The following ZC2HC1C variants were observed in gnomAD, a reference collection of about 807,000 sequenced individuals.
The protein encoded by ZC2HC1C is zinc finger C2HC domain-containing protein 1C.
A neutral mutation model predicts 39.2 loss-of-function variants in ZC2HC1C; 25 were observed. The observed-to-expected ratio is 0.64, with a 90% CI of 0.47 to 0.89. The LOEUF (loss-of-function observed/expected upper bound fraction) is 0.89. Ranked by LOEUF, ZC2HC1C falls within the 40% of genes least tolerant of loss-of-function variation. The pLI is 0.00. For missense variants in ZC2HC1C, 519 were observed against 548.6 expected, an observed-to-expected ratio of 0.95 and a Z score of 0.54; for synonymous variants, 209 against 214.4, an observed-to-expected ratio of 0.97 and a Z score of 0.22.
Position 75,070,537 on chromosome 14 carries a change from G to T in ZC2HC1C, c.-19-18G>T, listed in dbSNP as rs749297373. On this transcript the variant is annotated intron_variant, in intron 1 of 2. Transcript: ENST00000524913. ...TCAGACAAACTCTTCCCGTGTATCT[G>T]GTTTAAATCTCCCGTAGGCGTCAGT... is the stretch of plus-strand genomic sequence containing the variant. 6.4e-7 allele frequency: 1 copy of T among 1,559,656 alleles called. No individual in the cohort carries two copies. The highest frequency in any genetic ancestry group is 1.4e-5 in the African/African-American group (1 of 73,064).
Position 75,070,653 on chromosome 14 carries a change from C to G in ZC2HC1C, c.80C>G (p.Pro27Arg). The change falls in exon 2 of 3, where the codon CCC becomes CGC. Residue 27 changes from proline (P) to arginine (R), a missense_variant. Pro to Arg is a moderately radical substitution (Grantham distance 103). Coordinates refer to ENST00000524913, the MANE Select transcript of ZC2HC1C (RefSeq NM_024643.4). ...LPHNTTEAPG[P>R]HSAKQDSYEQ... ...CATAATACAACGGAAGCTCCAGGGC[C>G]CCACTCAGCCAAGCAAGACTCTTAC... 1 of 1,614,176 alleles carries G rather than the reference C, an allele frequency of 6.2e-7. No homozygotes were observed.
At position 75,070,730 on chromosome 14, in the gene ZC2HC1C, T is replaced by A; in HGVS notation, c.157T>A (p.Phe53Ile). 6.2e-7 allele frequency: 1 copy of A among 1,614,192 alleles called. No homozygotes were observed. Among genetic ancestry groups the A allele is most frequent in the Admixed American group, 1.7e-5 (1 of 60,022 alleles). Reference sequence around the variant, plus strand: ...CTTGAAGGGGCACCTGAGGAACAATTTCCAGAAGCAGCTTTTGAGCAACAA... The same window carrying A: ...CTTGAAGGGGCACCTGAGGAACAATATCCAGAAGCAGCTTTTGAGCAACAA... ...QSLKGHLRNN[F>I]QKQLLSNKEL... Residue 53 changes from phenylalanine (F) to isoleucine (I), a missense_variant, in exon 2 of 3, where the codon TTC becomes ATC. Phe to Ile is a conservative substitution (Grantham distance 21). Transcript: ENST00000524913.
rs940706944 is a variant in ZC2HC1C, at chr14:75,070,551, G to T, written c.-19-4G>T. 1 of 1,577,572 alleles carries T rather than the reference G, an allele frequency of 6.3e-7. No individual in the cohort carries two copies. Among genetic ancestry groups the T allele is most frequent in the African/African-American group, 1.4e-5 (1 of 73,500 alleles). ...CCCGTGTATCTGGTTTAAATCTCCC[G>T]TAGGCGTCAGTCCAGGCCCTGAATG... is the stretch of plus-strand genomic sequence containing the variant. On this transcript the variant is annotated splice_polypyrimidine_tract_variant and splice_region_variant and intron_variant, in intron 1 of 2. Transcript: ENST00000524913.
In ZC2HC1C at chr14:75,071,262, A is replaced by C. The variant is rs749122569; in HGVS notation, c.689A>C (p.Lys230Thr). ...AGCTTAGAGGAGGAAATCCGAAGAA[A>C]GCAGATTCTCCTGAGGGGAAAGCTG... ...GESLEEEIRR[K>T]QILLRGKLKK... Residue 230 changes from lysine to threonine, a missense_variant, in exon 2 of 3, where the codon AAG becomes ACG. Coordinates refer to ENST00000524913, the MANE Select transcript of ZC2HC1C (RefSeq NM_024643.4). 6.2e-7 allele frequency: 1 copy of C among 1,614,184 alleles called. No homozygotes were observed. The highest frequency in any genetic ancestry group is 2.2e-5 in the East Asian group (1 of 44,884).
In ZC2HC1C at chr14:75,071,752, C is replaced by T; in HGVS notation, c.1179C>T (p.His393=). 2 of 1,614,194 alleles carry T rather than the reference C, an allele frequency of 1.2e-6. No individual in the cohort carries two copies. The highest frequency in any genetic ancestry group is 8.5e-7 in the Non-Finnish European group (1 of 1,180,022). Residue 393 remains histidine, a synonymous_variant, in exon 2 of 3, where the codon CAC becomes CAT. Coordinates refer to ENST00000524913, the MANE Select transcript of ZC2HC1C (RefSeq NM_024643.4). ...IEEPQLGECS[H]CGRKFLSFRL... The stretch of plus-strand genomic sequence containing the variant: ...AGCCACAGCTGGGTGAGTGCAGCCA[C>T]TGTGGGCGCAAATTCCTCTCGTTCA...
chr14:75,079,212 T>C lies in ZC2HC1C; in HGVS notation c.*1648T>C, dbSNP rs1430570893. ...AGCCTGGTGACCTAGTGAGACTCCA[T>C]CTCAAAAAAAAAAAAAAAAAAAAGA... is the stretch of plus-strand genomic sequence containing the variant. On this transcript the variant is annotated 3_prime_UTR_variant, in exon 3 of 3. Coordinates refer to ENST00000524913, the MANE Select transcript of ZC2HC1C (RefSeq NM_024643.4). The C allele has an allele frequency of 4.7e-5, 3 of 64,284 alleles. No homozygotes were observed. Among genetic ancestry groups the C allele is most frequent in the Admixed American group, 2.8e-4 (1 of 3,600 alleles). 4.0% of individuals were successfully genotyped at this position (64,284 alleles called of 1,614,324 possible).
At position 75,071,371 on chromosome 14, in the gene ZC2HC1C, T is replaced by C; in HGVS notation, c.798T>C (p.Ile266=). ...ATGAAAACGGAGAGCTACAGAAAATTATACTCCCCAGGAGCAGAGTTAAAG... is the reference window on the plus strand; with the variant it reads ...ATGAAAACGGAGAGCTACAGAAAATCATACTCCCCAGGAGCAGAGTTAAAG... ...KENENGELQK[I]ILPRSRVKGN... is the part of the protein sequence containing the mutation. Residue 266 remains isoleucine, a synonymous_variant, in exon 2 of 3, where the codon ATT becomes ATC. Coordinates refer to ENST00000524913, the MANE Select transcript of ZC2HC1C (RefSeq NM_024643.4). 1.2e-6 allele frequency: 2 copies of C among 1,613,876 alleles called. No homozygotes were observed. Among genetic ancestry groups the C allele is most frequent in the African/African-American group, 2.7e-5 (2 of 74,936 alleles).
In ZC2HC1C at chr14:75,071,878, G is replaced by A; in HGVS notation, c.1305G>A (p.Gln435=). 6.2e-7 allele frequency: 1 copy of A among 1,605,558 alleles called. No homozygotes were observed. Among genetic ancestry groups the A allele is most frequent in the Non-Finnish European group, 8.5e-7 (1 of 1,176,456 alleles). ...RARAKGTELE[Q]YLNWKGPASA... ...GGGCTAAGGGCACAGAACTAGAGCAGTACTTGAACTGGAAGGGGCCAGCTT... is the reference window on the plus strand; with the variant it reads ...GGGCTAAGGGCACAGAACTAGAGCAATACTTGAACTGGAAGGGGCCAGCTT... Residue 435 remains glutamine (Q), a synonymous_variant, in exon 2 of 3, where the codon CAG becomes CAA. Coordinates refer to ENST00000524913, the MANE Select transcript of ZC2HC1C (RefSeq NM_024643.4).
Position 75,070,736 on chromosome 14 carries a change from AAGC to A in ZC2HC1C, c.167_169del (p.Gln56del). On this transcript the variant is annotated inframe_deletion, in exon 2 of 3. Transcript: ENST00000524913. ...GGGGCACCTGAGGAACAATTTCCAG[AAGC>A]AGCTTTTGAGCAACAAAGAGTTGAT... 1 of 1,614,226 alleles carries A rather than the reference AAGC, an allele frequency of 6.2e-7. No homozygotes were observed. Among genetic ancestry groups the A allele is most frequent in the Non-Finnish European group, 8.5e-7 (1 of 1,180,040 alleles).
intron 2 of ZC2HC1C, among the ~76,000 whole-genome samples, chr14:75,073,035 C>T (rs144619862): frequency 1.6e-3 from 238 of 152,306 alleles, no homozygotes; most frequent in Non-Finnish European, 3.1e-3. Flanking sequence ...ACCCTCCCTC[C>T]GCTGTGCTGG....
At chr14:75,070,295 G>A (rs1471568316) in intron 1 of ZC2HC1C, among the ~76,000 whole-genome samples, 1 of 152,162 alleles carries the variant, frequency 6.6e-6, no homozygotes, top group African/African-American at 2.4e-5. Context: ...GCAGAGGCTG[G>A]TGCTGGAGGA....
At position 75,070,565 on chromosome 14, in the gene ZC2HC1C, A is replaced by T; in HGVS notation, c.-9A>T. On this transcript the variant is annotated 5_prime_UTR_variant, in exon 2 of 3. Transcript: ENST00000524913. ...TTAAATCTCCCGTAGGCGTCAGTCC[A>T]GGCCCTGAATGGCTGGTCTCCAGCG... is the stretch of plus-strand genomic sequence containing the variant. 6.2e-7 allele frequency: 1 copy of T among 1,604,180 alleles called. No individual in the cohort carries two copies. The highest frequency in any genetic ancestry group is 8.5e-7 in the Non-Finnish European group (1 of 1,175,280).
intron 1 of ZC2HC1C, 135 bp from the exon 2 acceptor site, chr14:75,070,420 G>C (rs1594802086): frequency 1.9e-6 from 2 of 1,032,212 alleles, no homozygotes; most frequent in Non-Finnish European, 2.8e-6. Flanking sequence ...GGAAGCTTTG[G>C]CAGGTCCAGC....
intron 2 of ZC2HC1C, among the ~76,000 whole-genome samples, chr14:75,076,264 A>G (rs1893662781): frequency 6.6e-6 from 1 of 151,588 alleles, no homozygotes; most frequent in African/African-American, 2.4e-5. Context: ...CAACATTTCT[A>G]TTTATTTATT....
At chr14:75,074,348 A>G (rs1304728719) in intron 2 of ZC2HC1C, among the ~76,000 whole-genome samples, 1 of 152,184 alleles carries the variant, frequency 6.6e-6, no homozygotes, top group Non-Finnish European at 1.5e-5. Flanking sequence ...TAACAATGCC[A>G]GATCACCAAG....
chr14:75,073,970 C>CA (rs1436525552), intron 2 of ZC2HC1C, among the ~76,000 whole-genome samples: 1 of 152,134 alleles, frequency 6.6e-6, no homozygotes, highest in Non-Finnish European at 1.5e-5. Context: ...CGGCTCACTG[C>CA]AGCGATCTTG....
At chr14:75,074,898 G>A (rs1236286747) in intron 2 of ZC2HC1C, among the ~76,000 whole-genome samples, 1 of 152,058 alleles carries the variant, frequency 6.6e-6, no homozygotes, top group Non-Finnish European at 1.5e-5. Context: ...ATGGAAGCTG[G>A]GAGTGAAGTT....
Position 75,077,720 on chromosome 14 carries a change from G to A in ZC2HC1C, c.*156G>A. On this transcript the variant is annotated 3_prime_UTR_variant, in exon 3 of 3. Coordinates refer to ENST00000524913, the MANE Select transcript of ZC2HC1C (RefSeq NM_024643.4). Reference sequence around the variant, plus strand: ...AGTGTAGCCACCACTTTGCTCCCAAGGTGGCTGAGCAACACATTCCCAAGT... The same window carrying A: ...AGTGTAGCCACCACTTTGCTCCCAAAGTGGCTGAGCAACACATTCCCAAGT... 1.2e-6 allele frequency: 1 copy of A among 812,634 alleles called. No homozygotes were observed. The allele number at this position is 812,634 out of a possible 1,614,324, so 50.3% of individuals were successfully genotyped here.
chr14:75,073,887 T>C (rs1893540785), intron 2 of ZC2HC1C, among the ~76,000 whole-genome samples: 1 of 152,160 alleles, frequency 6.6e-6, no homozygotes, highest in African/African-American at 2.4e-5. Context: ...AGAGGAACTT[T>C]CCCCTGATCA....
Sources: gnomAD v4.1 joint callset for allele counts (sites outside exome capture counted in the v4.1 genomes callset) on GRCh38, gnomAD v4.1.1 for gene constraint, MANE v1.5 for transcripts, NCBI Gene and HGNC (gene_info 2026-07-23, HGNC 2026-07-21) for gene names.